DYNC2H1: variants seen among roughly 807,000 people sequenced by gnomAD.
The protein encoded by DYNC2H1 is cytoplasmic dynein 2 heavy chain 1.
Under a neutral mutation model 570.0 loss-of-function variants are expected in DYNC2H1, and 410 were observed. The observed-to-expected ratio is 0.72, with a 90% CI of 0.66 to 0.78. The LOEUF is 0.78. Among genes scored for constraint, DYNC2H1 ranks in the 30% least tolerant of loss-of-function variants. DYNC2H1 has a pLI of 0.00. For missense variants in DYNC2H1, 4,865 were observed against 5,046.4 expected, an observed-to-expected ratio of 0.96 and a Z score of 1.09; for synonymous variants, 1,688 against 1,677.6, an observed-to-expected ratio of 1.01 and a Z score of -0.15.
intron 83 of DYNC2H1, among the ~76,000 whole-genome samples, chr11:103,379,508 A>C (rs1489426976): frequency 1.3e-5 from 2 of 152,174 alleles, no homozygotes; most frequent in Non-Finnish European, 2.9e-5. Context: ...TTCTTCCCAA[A>C]GCCATTACCA....
At chr11:103,284,517 C>T (rs1866271091) in intron 73 of DYNC2H1, among the ~76,000 whole-genome samples, 1 of 151,416 alleles carries the variant, frequency 6.6e-6, no homozygotes, top group Admixed American at 6.7e-5. Flanking sequence ...TAGCCAAATA[C>T]ATGATGATAA....
At chr11:103,402,774 A>G (rs1195785222) in intron 84 of DYNC2H1, 1 of 152,164 alleles carries the variant, frequency 6.6e-6, no homozygotes, top group East Asian at 1.9e-4. Context: ...GGCCAGCTGT[A>G]ATGTTGGCTG....
chr11:103,280,235 A>T lies in DYNC2H1; in HGVS notation c.10696-113A>T, dbSNP rs1591516972. 1 of 962,702 alleles carries T rather than the reference A, an allele frequency of 1.0e-6. No individual in the cohort carries two copies. The highest frequency in any genetic ancestry group is 1.5e-5 in the South Asian group (1 of 64,658). 59.6% of individuals were successfully genotyped at this position (962,702 alleles called of 1,614,324 possible). A position where few individuals can be genotyped will look rare whatever the true frequency, so the allele number is the denominator to read the frequency against. ...TAGTAATTTCTTACATCGATAAAAA[A>T]GTAGGTCATATGAAGACAGAATAGA... is the stretch of plus-strand genomic sequence containing the variant. On this transcript the variant is annotated intron_variant, in intron 70 of 88. Coordinates refer to ENST00000375735, the MANE Select transcript of DYNC2H1 (RefSeq NM_001377.3). This position sits in a 1 kb window ranked among gnomAD's most constrained non-coding sequence, Gnocchi z 4.7.
At chr11:103,158,297 A>C (rs1860925035) in intron 26 of DYNC2H1, among the ~76,000 whole-genome samples, 1 of 152,122 alleles carries the variant, frequency 6.6e-6, no homozygotes, top group African/African-American at 2.4e-5. Context: ...ATATACAAAA[A>C]AATTAGCTAG....
chr11:103,365,672 T>C (rs977824624), intron 83 of DYNC2H1, among the ~76,000 whole-genome samples: 1 of 152,208 alleles, frequency 6.6e-6, no homozygotes, highest in Non-Finnish European at 1.5e-5. Context: ...TAAGTAGATA[T>C]AGCACTATAA....
At position 103,471,767 on chromosome 11, in the gene DYNC2H1, CAG is replaced by C. The variant is rs565144120; in HGVS notation, c.12765+3065_12765+3066del. 5.3e-5 allele frequency among the ~76,000 whole-genome samples: 8 copies of C among 152,298 alleles called. No individual in the cohort carries two copies. In the East Asian group the frequency reaches 1.5e-3, roughly 29 times the overall value. On this transcript the variant is annotated intron_variant, in intron 88 of 88. Coordinates refer to ENST00000375735, the MANE Select transcript of DYNC2H1 (RefSeq NM_001377.3). ...TACGAAGATAAACAGATTTCTCCTG[CAG>C]AGTCTTCCGCCAACTGGGGAAGCAA... is the stretch of plus-strand genomic sequence containing the variant.
chr11:103,320,492 A>G (rs1049970310), intron 80 of DYNC2H1, among the ~76,000 whole-genome samples: 1 of 152,246 alleles, frequency 6.6e-6, no homozygotes, highest in African/African-American at 2.4e-5. Context: ...ATAGTTGACT[A>G]TGTAAAATCA....
At position 103,304,595 on chromosome 11, in the gene DYNC2H1, G is replaced by A. The variant is rs1482631869; in HGVS notation, c.11257G>A (p.Val3753Ile). The change falls in exon 77 of 89, where the codon GTT becomes ATT. Residue 3753 changes from valine (V) to isoleucine (I), a missense_variant and splice_region_variant. Coordinates refer to ENST00000375735, the MANE Select transcript of DYNC2H1 (RefSeq NM_001377.3). ...TTTGTTTGTTTTTTTGCTTTTGTAG[G>A]TTGCCATGGGTCAAGGTCAAGCTGA... Reference protein sequence around the residue: ...AERSGECYHQVAMGQGQADLA... With the variant: ...AERSGECYHQIAMGQGQADLA... The A allele has an allele frequency of 1.0e-5, 16 of 1,607,734 alleles. No homozygotes were observed. The highest frequency in any genetic ancestry group is 6.7e-5 in the African/African-American group (5 of 74,652).
chr11:103,158,628 C>G lies in DYNC2H1; in HGVS notation c.4128-49C>G, dbSNP rs564155841. 3 of 1,451,826 alleles carry G rather than the reference C, an allele frequency of 2.1e-6. No individual in the cohort carries two copies. In the Admixed American group the frequency reaches 7.3e-5, roughly 35 times the overall value. 89.9% of individuals were successfully genotyped at this position (1,451,826 alleles called of 1,614,324 possible). On this transcript the variant is annotated intron_variant, in intron 26 of 88. Coordinates refer to ENST00000375735, the MANE Select transcript of DYNC2H1 (RefSeq NM_001377.3). ...AAAGTCTTAATCTGTTTTTCTTACC[C>G]CCCCAAATTGTTAAAGTAGATGTGA...
intron 34 of DYNC2H1, 139 bp downstream of exon 34, chr11:103,171,207 G>T: frequency 2.5e-6 from 2 of 791,218 alleles, no homozygotes; most frequent in Admixed American, 8.0e-5. Flanking sequence ...GATTTTTTTA[G>T]CTATAAAACG....
At position 103,241,463 on chromosome 11, in the gene DYNC2H1, CA is replaced by C. The variant is rs1864419531; in HGVS notation, c.9820-2229del. ...TTAAGTACCCTTTGAAAAACTTAAGCATGTTTTCTTTGCTAAAAACATTTTG... is the reference window on the plus strand; with the variant it reads ...TTAAGTACCCTTTGAAAAACTTAAGCTGTTTTCTTTGCTAAAAACATTTTG... On this transcript the variant is annotated intron_variant, in intron 63 of 88. Coordinates refer to ENST00000375735, the MANE Select transcript of DYNC2H1 (RefSeq NM_001377.3). This position sits in a 1 kb window ranked among gnomAD's most constrained non-coding sequence, Gnocchi z 5.1. The C allele has an allele frequency of 6.9e-7, 1 of 1,439,144 alleles. No homozygotes were observed. The highest frequency in any genetic ancestry group is 9.6e-7 in the Non-Finnish European group (1 of 1,036,956). The allele number at this position is 1,439,144 out of a possible 1,614,324, so 89.1% of individuals were successfully genotyped here. A position where few individuals can be genotyped will look rare whatever the true frequency, so the allele number is the denominator to read the frequency against.
chr11:103,250,444 G>A lies in DYNC2H1; in HGVS notation c.10043-2841G>A, dbSNP rs192366534. 3.4e-3 allele frequency among the ~76,000 whole-genome samples: 515 copies of A among 152,056 alleles called. 3 individuals are homozygous for A. The highest frequency in any genetic ancestry group is 5.5e-3 in the Non-Finnish European group (376 of 67,952). On this transcript the variant is annotated intron_variant, in intron 65 of 88. Coordinates refer to ENST00000375735, the MANE Select transcript of DYNC2H1 (RefSeq NM_001377.3). ...CTGTGTTTGGACTCCTATTGATCAC[G>A]TCACCCAGATAGTGGACATAGTATC... is the stretch of plus-strand genomic sequence containing the variant.
Position 103,177,293 on chromosome 11 carries a change from A to C in DYNC2H1, c.5875-263A>C, listed in dbSNP as rs1861863989. Among the ~76,000 whole-genome samples, 1 of 152,172 alleles carries C rather than the reference A, an allele frequency of 6.6e-6. No homozygotes were observed. Among genetic ancestry groups the C allele is most frequent in the Non-Finnish European group, 1.5e-5 (1 of 68,036 alleles). On this transcript the variant is annotated intron_variant, in intron 37 of 88. Transcript: ENST00000375735. This position sits in a 1 kb window ranked among gnomAD's most constrained non-coding sequence, Gnocchi z 4.4. The stretch of plus-strand genomic sequence containing the variant: ...AGTGAATGAGTGGAGCAAGTAACGA[A>C]CATAATTGTTCATACAAGTTTTTTG...
intron 75 of DYNC2H1, among the ~76,000 whole-genome samples, chr11:103,291,726 C>G (rs781676060): frequency 5.9e-5 from 9 of 152,114 alleles, no homozygotes; most frequent in Non-Finnish European, 1.0e-4. Context: ...TACTTTATAT[C>G]TGGATACTCC....
intron 18 of DYNC2H1, 38 bp downstream of exon 18, chr11:103,143,433 AT>A: frequency 3.9e-6 from 6 of 1,542,832 alleles, no homozygotes; most frequent in Non-Finnish European, 5.2e-6. Context: ...TACCATAATA[AT>A]TTTTTGACAT....
In DYNC2H1 at chr11:103,222,040, A is replaced by T. The variant is rs1425008117; in HGVS notation, c.9118A>T (p.Lys3040Ter). The T allele has an allele frequency of 6.2e-7, 1 of 1,609,762 alleles. No homozygotes were observed. The highest frequency in any genetic ancestry group is 8.5e-7 in the Non-Finnish European group (1 of 1,178,262). Reference sequence around the variant, plus strand: ...ATGCTTTAATTTTAGTTTCCTTGCAAAAAGAGGTGTAAGAGAAGACATAGC... The same window carrying T: ...ATGCTTTAATTTTAGTTTCCTTGCATAAAGAGGTGTAAGAGAAGACATAGC... ...SWVSMKSFLAKRGVREDIATF... is the reference protein window; with the variant it reads ...SWVSMKSFLA Residue 3040 changes from lysine (K) to a stop codon, truncating the protein, a stop_gained, in exon 58 of 89, where the codon AAA (lysine) becomes TAA (stop). Transcript: ENST00000375735. LOFTEE classifies it high-confidence loss of function.
chr11:103,119,861 A>G (rs1858608621), intron 6 of DYNC2H1, among the ~76,000 whole-genome samples: 2 of 152,238 alleles, frequency 1.3e-5, no homozygotes, highest in African/African-American at 2.4e-5. Context: ...GTAAATTTTT[A>G]GCAAGAGAAA....
chr11:103,448,824 C>G (rs1341652948), intron 85 of DYNC2H1, among the ~76,000 whole-genome samples: 1 of 152,138 alleles, frequency 6.6e-6, no homozygotes, highest in Non-Finnish European at 1.5e-5. Context: ...GAAAAACTCT[C>G]AGAAAAGCAA....
At chr11:103,238,400 C>T (rs1348111349) in intron 63 of DYNC2H1, among the ~76,000 whole-genome samples, 1 of 152,074 alleles carries the variant, frequency 6.6e-6, no homozygotes, top group African/African-American at 2.4e-5. Flanking sequence ...GACACCCTGT[C>T]TCTACTAGAA....
Sources: gnomAD v4.1 joint callset for allele counts (sites outside exome capture counted in the v4.1 genomes callset) on GRCh38, gnomAD v4.1.1 for gene constraint, Gnocchi (gnomAD v3.1) non-coding constraint, MANE v1.5 for transcripts, NCBI Gene and HGNC (gene_info 2026-07-23, HGNC 2026-07-21) for gene names.